MINDY1: variants seen among roughly 807,000 people sequenced by gnomAD.
MINDY1 encodes MINDY lysine 48 deubiquitinase 1.
MINDY1 carries 50 observed loss-of-function variants against 53.6 expected under a neutral mutation model. The ratio of observed to expected loss-of-function variants is 0.93; its 90% CI spans 0.74 to 1.18. MINDY1 has a LOEUF of 1.18. MINDY1 is among the 50% of genes most tolerant of loss of function. The probability of loss-of-function intolerance (pLI) is 0.00; values close to 1 mark genes in which losing one functional copy is unlikely to be tolerated. For synonymous variants in MINDY1, 231 were observed against 234.7 expected, an observed-to-expected ratio of 0.98 and a Z score of 0.14; for missense variants, 484 against 578.6, an observed-to-expected ratio of 0.84 and a Z score of 1.68.
chr1:150,998,303 G>A, intron 7 of MINDY1, 30 bp from the exon 8 acceptor site: 1 of 1,581,826 alleles, frequency 6.3e-7, no homozygotes, highest in East Asian at 2.3e-5. Context: ...GCTCATTGGG[G>A]GGACAGTTGA....
upstream of MINDY1, chr1:151,006,944 G>A (rs1673299495): frequency 1.0e-6 from 1 of 969,586 alleles, no homozygotes; most frequent in Admixed American, 6.2e-5. Flanking sequence ...TAAGTAGGGA[G>A]GAGAAGGGCT....
chr1:151,005,577 G>A (rs1372609304), intron 1 of MINDY1, among the ~76,000 whole-genome samples: 1 of 152,144 alleles, frequency 6.6e-6, no homozygotes, highest in Non-Finnish European at 1.5e-5. Context: ...GGCTGGAGAG[G>A]TGAGCCAAAG....
chr1:151,006,122 T>G (rs1304767514), intron 1 of MINDY1, 190 bp downstream of exon 1: 1 of 1,551,548 alleles, frequency 6.4e-7, no homozygotes, highest in Admixed American at 2.0e-5. Flanking sequence ...GAAGGTTTCG[T>G]GCTTTCATTA....
rs1672354995 is a variant in MINDY1, at chr1:150,999,981, A to G, written c.736-17T>C. ...CTCAGGACTCTGCTTGGGTAGTGGG[A>G]TGTGGGATACCAAAAAAATTGGGAT... On this transcript the variant is annotated splice_polypyrimidine_tract_variant and intron_variant, in intron 5 of 9. Transcript: ENST00000683666. The surrounding 1 kb of genome is among the most constrained non-coding windows in gnomAD (Gnocchi z 4.4). 3.8e-6 allele frequency: 6 copies of G among 1,588,178 alleles called. No individual in the cohort carries two copies. The highest frequency in any genetic ancestry group is 4.3e-6 in the Non-Finnish European group (5 of 1,164,820).
chr1:151,005,706 TC>T (rs1673114986), intron 1 of MINDY1, among the ~76,000 whole-genome samples: 1 of 152,092 alleles, frequency 6.6e-6, no homozygotes, highest in Non-Finnish European at 1.5e-5. Context: ...CTCTACAACG[TC>T]CAATCCTGCT....
Position 150,999,882 on chromosome 1 carries a change from T to G in MINDY1, c.818A>C (p.Asp273Ala). The G allele has an allele frequency of 6.2e-7, 1 of 1,614,070 alleles. No individual in the cohort carries two copies. Among genetic ancestry groups the G allele is most frequent in the Non-Finnish European group, 8.5e-7 (1 of 1,179,994 alleles). ...GTCACCTTCTGTCACGAGGTTGGTGTCACTGGAGTGTTTGCAGGTGATGAT... is the reference window on the plus strand; with the variant it reads ...GTCACCTTCTGTCACGAGGTTGGTGGCACTGGAGTGTTTGCAGGTGATGAT... ...ERIITCKHSS[D>A]TNLVTEGLIA... is the part of the protein sequence containing the mutation. Residue 273 changes from aspartate to alanine, a missense_variant, in exon 6 of 10, where the codon GAC becomes GCC. Coordinates refer to ENST00000683666, the MANE Select transcript of MINDY1 (RefSeq NM_001376665.1). This position sits in a 1 kb window ranked among gnomAD's most constrained non-coding sequence, Gnocchi z 4.4.
In MINDY1 at chr1:150,999,481, G is replaced by A; in HGVS notation, c.869C>T (p.Thr290Ile). ...TCCGTGGTAGGTCAGCTGGGCCGCG[G>A]TGGTCTCCAGGAACTGCTCTGCAAT... Reference protein sequence around the residue: ...GLIAEQFLETTAAQLTYHGLC... With the variant: ...GLIAEQFLETIAAQLTYHGLC... Residue 290 changes from threonine to isoleucine, a missense_variant, in exon 7 of 10, where the codon ACC becomes ATC. Coordinates refer to ENST00000683666, the MANE Select transcript of MINDY1 (RefSeq NM_001376665.1). This position sits in a 1 kb window ranked among gnomAD's most constrained non-coding sequence, Gnocchi z 4.4. 2 of 1,614,150 alleles carry A rather than the reference G, an allele frequency of 1.2e-6. No homozygotes were observed. The highest frequency in any genetic ancestry group is 1.3e-5 in the African/African-American group (1 of 75,044).
chr1:151,001,750 T>C lies in MINDY1; in HGVS notation c.486A>G (p.Thr162=), dbSNP rs752353582. The C allele has an allele frequency of 1.3e-5, 21 of 1,606,950 alleles. No homozygotes were observed. The South Asian group carries it at 1.9e-4, about 14-fold the overall frequency. The change falls in exon 3 of 10, where the codon ACA becomes ACG. Residue 162 remains threonine, a synonymous_variant. Coordinates refer to ENST00000683666, the MANE Select transcript of MINDY1 (RefSeq NM_001376665.1). ...CAAGATGGGCCATGAGCTCATCCGA[T>C]GTGATCACTTCCTTCTGCGGGGGGA... ...VKLPPQKEVI[T]SDELMAHLGN...
In MINDY1 at chr1:150,999,227, G is replaced by A; in HGVS notation, c.981+142C>T. 8.2e-7 allele frequency: 1 copy of A among 1,219,688 alleles called. No individual in the cohort carries two copies. The highest frequency in any genetic ancestry group is 1.2e-6 in the Non-Finnish European group (1 of 858,512). 75.6% of individuals were successfully genotyped at this position (1,219,688 alleles called of 1,614,324 possible). ...TGGACACGCACCAGGAGCGGGAAAT[G>A]AACCTTTGTTGTGGTAAACCACAGG... On this transcript the variant is annotated intron_variant, in intron 7 of 9. Transcript: ENST00000683666. This position sits in a 1 kb window ranked among gnomAD's most constrained non-coding sequence, Gnocchi z 4.4.
chr1:151,008,117 T>A, upstream of MINDY1: 1 of 505,026 alleles, frequency 2.0e-6, no homozygotes, highest in Non-Finnish European at 2.6e-6. Context: ...AGAAAGAAGA[T>A]GATCTGTTTT....
Position 151,006,814 on chromosome 1 carries a change from G to A in MINDY1, c.-592C>T. The A allele has an allele frequency of 2.0e-6, 2 of 985,576 alleles. No homozygotes were observed. Among genetic ancestry groups the A allele is most frequent in the Non-Finnish European group, 2.4e-6 (2 of 830,006 alleles). 61.1% of individuals were successfully genotyped at this position (985,576 alleles called of 1,614,324 possible). A position where few individuals can be genotyped will look rare whatever the true frequency, so the allele number is the denominator to read the frequency against. On this transcript the variant is annotated 5_prime_UTR_variant, in exon 1 of 10. Coordinates refer to ENST00000683666, the MANE Select transcript of MINDY1 (RefSeq NM_001376665.1). ...GGTCAGCAGCTTTGTGATCAGCAGA[G>A]AGGGAGCGAGAAACAGGAGAGAAAA...
Position 150,998,147 on chromosome 1 carries a change from G to GT in MINDY1, c.1107_1108insA (p.Leu370ThrfsTer133). On this transcript the variant is annotated frameshift_variant, in exon 8 of 10. Transcript: ENST00000683666. LOFTEE classifies it high-confidence loss of function. ...CCTTCTGCTCCAGGCCCCTTGCCCA[G>GT]GGAATGACTCAGGTGAAAGTCAGAG... 1.2e-6 allele frequency: 2 copies of GT among 1,614,024 alleles called. No individual in the cohort carries two copies. The highest frequency in any genetic ancestry group is 1.7e-6 in the Non-Finnish European group (2 of 1,180,046).
intron 1 of MINDY1, among the ~76,000 whole-genome samples, chr1:151,003,956 C>T (rs1246859777): frequency 6.6e-6 from 1 of 152,034 alleles, no homozygotes; most frequent in African/African-American, 2.4e-5. Context: ...GAGTTTTGCT[C>T]TTGTTGCCTA....
intron 1 of MINDY1, among the ~76,000 whole-genome samples, chr1:151,003,321 C>T (rs959593896): frequency 2.6e-5 from 4 of 152,138 alleles, no homozygotes; most frequent in Non-Finnish European, 5.9e-5. Context: ...AGTTTCATGC[C>T]CCTAAAGGTG....
Position 150,998,123 on chromosome 1 carries a change from C to T in MINDY1, c.1132G>A (p.Gly378Ser), listed in dbSNP as rs1178534742. 1.2e-6 allele frequency: 2 copies of T among 1,613,720 alleles called. No homozygotes were observed. The highest frequency in any genetic ancestry group is 2.2e-5 in the East Asian group (1 of 44,882). ...TGCGTTTCTGGGGAGCCACTCCCAC[C>T]TTCTGCTCCAGGCCCCTTGCCCAGG... ...HSLGKGPGAE[G>S]GSGSPETQLQ... is the part of the protein sequence containing the mutation. The change falls in exon 8 of 10, where the codon GGT becomes AGT. Residue 378 changes from glycine (G) to serine (S), a missense_variant. Coordinates refer to ENST00000683666, the MANE Select transcript of MINDY1 (RefSeq NM_001376665.1).
intron 7 of MINDY1, among the ~76,000 whole-genome samples, chr1:150,998,647 C>T (rs1014252497): frequency 2.0e-5 from 3 of 152,192 alleles, no homozygotes; most frequent in Admixed American, 2.0e-4. Context: ...TGAGCCACCG[C>T]ACCCGGACCC....
Position 151,002,183 on chromosome 1 carries a change from G to A in MINDY1, c.435C>T (p.Ile145=). 6.2e-7 allele frequency: 1 copy of A among 1,609,518 alleles called. No individual in the cohort carries two copies. The highest frequency in any genetic ancestry group is 2.2e-5 in the East Asian group (1 of 44,828). ...GPCPLLAIMN[I]LFLQWKVKLP... is the part of the protein sequence containing the mutation. ...CTCTTACCTTCCACTGAAGAAAGAG[G>A]ATGTTCATGATGGCAAGGAGAGGGC... is the stretch of plus-strand genomic sequence containing the variant. The change falls in exon 2 of 10, where the codon ATC becomes ATT. Residue 145 remains isoleucine, a synonymous_variant. Transcript: ENST00000683666. The surrounding 1 kb of genome is among the most constrained non-coding windows in gnomAD (Gnocchi z 4.1).
Position 150,998,237 on chromosome 1 carries a change from G to A in MINDY1, c.1018C>T (p.Leu340=). 6.2e-7 allele frequency: 1 copy of A among 1,614,142 alleles called. No homozygotes were observed. Among genetic ancestry groups the A allele is most frequent in the Non-Finnish European group, 8.5e-7 (1 of 1,180,032 alleles). Residue 340 remains leucine, a synonymous_variant, in exon 8 of 10, where the codon CTA becomes TTA. Coordinates refer to ENST00000683666, the MANE Select transcript of MINDY1 (RefSeq NM_001376665.1). The stretch of plus-strand genomic sequence containing the variant: ...TCCCATACGACTTGCTCCTCCTGTA[G>A]AAAGCCCTGGTCAGTGACCAGTAGG... ...LYLLVTDQGF[L]QEEQVVWESL... is the part of the protein sequence containing the mutation.
At chr1:151,003,791 C>T (rs1423047295) in intron 1 of MINDY1, among the ~76,000 whole-genome samples, 1 of 152,090 alleles carries the variant, frequency 6.6e-6, no homozygotes, top group Non-Finnish European at 1.5e-5. Context: ...ACTACCTAAA[C>T]CCAGAGGTAC....
Sources: allele counts gnomAD v4.1 joint callset (sites outside exome capture counted in the v4.1 genomes callset), GRCh38; gene constraint gnomAD v4.1.1; non-coding constraint Gnocchi (gnomAD v3.1); transcripts MANE v1.5; gene names NCBI Gene and HGNC (gene_info 2026-07-23, HGNC 2026-07-21).